Variants in THSD7B observed in about 807,000 individuals in gnomAD.
The protein encoded by THSD7B is thrombospondin type 1 domain containing 7B, also known as thrombospondin type-1 domain-containing protein 7B.
THSD7B carries 138 observed loss-of-function variants against 213.6 expected under a neutral mutation model. That is an observed-to-expected ratio of 0.65 (90% CI 0.56 to 0.74). The LOEUF (loss-of-function observed/expected upper bound fraction) is 0.74. Ranked by LOEUF, THSD7B falls within the 30% of genes least tolerant of loss-of-function variation. The probability of loss-of-function intolerance (pLI) is 0.00; values close to 1 mark genes in which losing one functional copy is unlikely to be tolerated. For missense variants in THSD7B, 1,931 were observed against 1,991.5 expected (o/e 0.97, Z 0.58); for synonymous variants, 742 against 687.0 (o/e 1.08, Z -1.25).
At chr2:136,890,300 A>G (rs551984943) in intron 2 of THSD7B, among the ~76,000 whole-genome samples, 9 of 682 alleles carry the variant, frequency 0.013, 2 homozygotes, top group African/African-American at 0.02. Context: ...TCCATGTCCT[A>G]CTCCTTCTTC....
chr2:136,817,028 G>C (rs66907200), intron 1 of THSD7B, among the ~76,000 whole-genome samples: 7,291 of 152,190 alleles, frequency 0.048, 254 homozygotes, highest in Non-Finnish European at 0.07. Flanking sequence ...GTAGATTCTA[G>C]GAGTGAAGAT....
At chr2:137,672,444 T>G (rs1461066897) in intron 27 of THSD7B, among the ~76,000 whole-genome samples, 1 of 152,188 alleles carries the variant, frequency 6.6e-6, no homozygotes, top group African/African-American at 2.4e-5. Flanking sequence ...CTCTTTAGAC[T>G]CAACATAATG....
At chr2:137,175,186 G>A (rs947004968) in intron 7 of THSD7B, among the ~76,000 whole-genome samples, 3 of 152,178 alleles carry the variant, frequency 2.0e-5, no homozygotes, top group African/African-American at 7.2e-5. Flanking sequence ...GGGGTCATTG[G>A]ATAAACACCT....
intron 5 of THSD7B, among the ~76,000 whole-genome samples, chr2:137,148,199 A>C (rs1679743848): frequency 6.6e-6 from 1 of 152,098 alleles, no homozygotes; most frequent in African/African-American, 2.4e-5. Flanking sequence ...TCTGCTCTGC[A>C]TTTCTCATTG....
At chr2:137,575,068 AG>A (rs1452254503) in intron 17 of THSD7B, among the ~76,000 whole-genome samples, 1 of 152,126 alleles carries the variant, frequency 6.6e-6, no homozygotes, top group African/African-American at 2.4e-5. Flanking sequence ...ATACTTCTTT[AG>A]AGACAAACAC....
chr2:137,400,597 G>A (rs529100000), intron 12 of THSD7B, among the ~76,000 whole-genome samples: 1 of 152,108 alleles, frequency 6.6e-6, no homozygotes, highest in South Asian at 2.1e-4. Flanking sequence ...GGTGGCATAC[G>A]CAATGAGGGA....
At chr2:136,975,625 C>A (rs1685468513) in intron 2 of THSD7B, among the ~76,000 whole-genome samples, 1 of 152,098 alleles carries the variant, frequency 6.6e-6, no homozygotes, top group African/African-American at 2.4e-5. Flanking sequence ...AGTTTGATGC[C>A]TCTGGCTTTG....
intron 12 of THSD7B, among the ~76,000 whole-genome samples, chr2:137,384,462 TCTC>T (rs1685847092): frequency 1.3e-5 from 2 of 152,124 alleles, no homozygotes; most frequent in African/African-American, 2.4e-5. Context: ...GGATTAAAAT[TCTC>T]CTCTTTCTGC....
At chr2:136,904,144 A>G (rs1404305397) in intron 2 of THSD7B, among the ~76,000 whole-genome samples, 2 of 152,124 alleles carry the variant, frequency 1.3e-5, no homozygotes, top group Non-Finnish European at 2.9e-5. Flanking sequence ...AATAATATTC[A>G]GTGTGTAGCG....
chr2:136,992,443 C>A, intron 2 of THSD7B, among the ~76,000 whole-genome samples: 1 of 152,160 alleles, frequency 6.6e-6, no homozygotes, highest in East Asian at 1.9e-4. Flanking sequence ...CAGTAGCTGA[C>A]CTGAAGACCA....
chr2:137,073,459 A>G (rs970936106), intron 3 of THSD7B, among the ~76,000 whole-genome samples: 17 of 151,142 alleles, frequency 1.1e-4, no homozygotes, highest in Non-Finnish European at 1.8e-4. Flanking sequence ...TATCCATTGC[A>G]TCTATTTGAT....
intron 12 of THSD7B, among the ~76,000 whole-genome samples, chr2:137,391,693 A>AAG (rs1399846854): frequency 1.4e-5 from 2 of 143,398 alleles, no homozygotes; most frequent in Non-Finnish European, 3.1e-5. Context: ...TCTCAAAAAA[A>AAG]AAAAAAAACC....
At chr2:137,514,006 A>T (rs1680019966) in intron 15 of THSD7B, among the ~76,000 whole-genome samples, 1 of 152,022 alleles carries the variant, frequency 6.6e-6, no homozygotes, top group Non-Finnish European at 1.5e-5. Flanking sequence ...TCTTTTCTTG[A>T]CCCTGTCTGT....
At chr2:137,189,334 A>G (rs561932322) in intron 7 of THSD7B, among the ~76,000 whole-genome samples, 1 of 152,096 alleles carries the variant, frequency 6.6e-6, no homozygotes, top group Non-Finnish European at 1.5e-5. Context: ...CAGAAAGTTA[A>G]CAACAACAAC....
At chr2:137,074,344 CTTCT>C (rs1687568928) in intron 3 of THSD7B, among the ~76,000 whole-genome samples, 1 of 152,016 alleles carries the variant, frequency 6.6e-6, no homozygotes, top group South Asian at 2.1e-4. Context: ...ATGTAATGGC[CTTCT>C]TTGTCTCTTT....
chr2:137,264,513 G>A (rs181952479), intron 10 of THSD7B, among the ~76,000 whole-genome samples: 4 of 152,148 alleles, frequency 2.6e-5, no homozygotes, highest in Admixed American at 6.5e-5. Flanking sequence ...CTCCCAAAGT[G>A]TTGGAATTAC....
chr2:137,228,183 C>A (rs1681555156), intron 7 of THSD7B, among the ~76,000 whole-genome samples: 1 of 150,444 alleles, frequency 6.6e-6, no homozygotes. Flanking sequence ...AAAATAACTC[C>A]CACAGGAATT....
chr2:137,252,518 T>C (rs1444258885), intron 10 of THSD7B, among the ~76,000 whole-genome samples: 1 of 152,104 alleles, frequency 6.6e-6, no homozygotes, highest in East Asian at 1.9e-4. Flanking sequence ...CCCAGGCTTG[T>C]CTGGAACTCC....
intron 12 of THSD7B, among the ~76,000 whole-genome samples, chr2:137,357,808 A>G (rs1483752931): frequency 1.3e-5 from 2 of 152,192 alleles, no homozygotes; most frequent in African/African-American, 4.8e-5. Context: ...AAATTACAAT[A>G]GCCCATGTGA....
Sources: gnomAD v4.1 joint callset for allele counts (sites outside exome capture counted in the v4.1 genomes callset) on GRCh38, gnomAD v4.1.1 for gene constraint, MANE v1.5 for transcripts, NCBI Gene and HGNC (gene_info 2026-07-23, HGNC 2026-07-21) for gene names.